The following EMILIN2 variants were observed in gnomAD, a reference collection of about 807,000 sequenced individuals.
The protein encoded by EMILIN2 is EMILIN-2.
EMILIN2 carries 71 observed loss-of-function variants against 87.1 expected under a neutral mutation model. The observed-to-expected ratio is 0.82, with a 90% CI of 0.67 to 0.99. The LOEUF (loss-of-function observed/expected upper bound fraction) is 0.99. EMILIN2 is among the 50% of genes least tolerant of loss of function. The pLI is 0.00. For missense variants in EMILIN2, 1,407 were observed against 1,371.8 expected (o/e 1.03, Z -0.40); for synonymous variants, 581 against 563.4 (o/e 1.03, Z -0.44).
chr18:2,865,720 A>G (rs2076683335), intron 2 of EMILIN2, among the ~76,000 whole-genome samples: 1 of 152,172 alleles, frequency 6.6e-6, no homozygotes, highest in Admixed American at 6.5e-5. Context: ...TGGGAGAACC[A>G]TTACTCTCTT....
In EMILIN2 at chr18:2,880,627, G is replaced by T. The variant is rs545509177; in HGVS notation, c.258-4337G>T. On this transcript the variant is annotated intron_variant, in intron 2 of 7. Coordinates refer to ENST00000254528, the MANE Select transcript of EMILIN2 (RefSeq NM_032048.3). This position sits in a 1 kb window ranked among gnomAD's most constrained non-coding sequence, Gnocchi z 4.1. The stretch of plus-strand genomic sequence containing the variant: ...CCCTCCAGCGCTGCGCAGCCCCGCC[G>T]CCTTAACTTTTCCTCTGGCTGCGGG... Among the ~76,000 whole-genome samples, 82 of 152,312 alleles carry T rather than the reference G, an allele frequency of 5.4e-4. No homozygotes were observed. The highest frequency in any genetic ancestry group is 1.9e-3 in the African/African-American group (80 of 41,574).
intron 2 of EMILIN2, among the ~76,000 whole-genome samples, chr18:2,877,900 G>T (rs1266398862): frequency 6.6e-6 from 1 of 152,182 alleles, no homozygotes; most frequent in Admixed American, 6.5e-5. Flanking sequence ...GACACACTGT[G>T]ACCTGGATGA....
chr18:2,860,933 A>C (rs930320889), intron 2 of EMILIN2, among the ~76,000 whole-genome samples: 17 of 152,200 alleles, frequency 1.1e-4, no homozygotes, highest in African/African-American at 4.1e-4. Flanking sequence ...TGCCGTTCTA[A>C]CTGGTGTGAG....
In EMILIN2 at chr18:2,880,755, G is replaced by A. The variant is rs1445647198; in HGVS notation, c.258-4209G>A. Among the ~76,000 whole-genome samples the A allele has an allele frequency of 6.6e-6, 1 of 152,202 alleles. No individual in the cohort carries two copies. The highest frequency in any genetic ancestry group is 1.5e-5 in the Non-Finnish European group (1 of 68,032). ...GCCCGGGGCCCCTGGGGATGCTTGG[G>A]CCGCCTGTCTCTGTTTCATGTCCCC... is the stretch of plus-strand genomic sequence containing the variant. On this transcript the variant is annotated intron_variant, in intron 2 of 7. Transcript: ENST00000254528. The surrounding 1 kb of genome is among the most constrained non-coding windows in gnomAD (Gnocchi z 4.1).
At position 2,892,395 on chromosome 18, in the gene EMILIN2, T is replaced by C. The variant is rs759186560; in HGVS notation, c.2268T>C (p.Ser756=). ...TCAGGTCGCATTCCAGAGACATTTC[T>C]GGCCTGAAGAATTCAGTCCAGCAGT... The part of the protein sequence containing the change: ...GTLRSHSRDI[S]GLKNSVQQFY... The change falls in exon 4 of 8, where the codon TCT becomes TCC. Residue 756 remains serine, a synonymous_variant. Transcript: ENST00000254528. The C allele has an allele frequency of 2.5e-6, 4 of 1,614,152 alleles. No individual in the cohort carries two copies. The East Asian group carries it at 8.9e-5, about 36-fold the overall frequency.
intron 2 of EMILIN2, among the ~76,000 whole-genome samples, chr18:2,873,850 C>G (rs4797088): frequency 0.055 from 8,397 of 152,222 alleles, 890 homozygotes; most frequent in East Asian, 0.51. Context: ...CCAAATCTTC[C>G]CTGTAGACGG....
At chr18:2,861,290 A>G (rs1179060635) in intron 2 of EMILIN2, among the ~76,000 whole-genome samples, 2 of 152,208 alleles carry the variant, frequency 1.3e-5, no homozygotes, top group Non-Finnish European at 2.9e-5. Flanking sequence ...TTGGTGTTTT[A>G]GACATGAAGT....
chr18:2,869,063 A>G lies in EMILIN2; in HGVS notation c.258-15901A>G, dbSNP rs116482796. 5.1e-3 allele frequency among the ~76,000 whole-genome samples: 783 copies of G among 152,242 alleles called. 6 individuals carry two copies. Among genetic ancestry groups the G allele is most frequent in the African/African-American group, 0.018 (739 of 41,526 alleles). ...CCTGAGTTCTCTATAGGCAGAAACAATTGGTTATGTGTCTGAAGAGTAATC... is the reference window on the plus strand; with the variant it reads ...CCTGAGTTCTCTATAGGCAGAAACAGTTGGTTATGTGTCTGAAGAGTAATC... On this transcript the variant is annotated intron_variant, in intron 2 of 7. Coordinates refer to ENST00000254528, the MANE Select transcript of EMILIN2 (RefSeq NM_032048.3).
chr18:2,886,249 A>G (rs752849534), intron 3 of EMILIN2, among the ~76,000 whole-genome samples: 38 of 152,374 alleles, frequency 2.5e-4, no homozygotes, highest in Admixed American at 1.0e-3. Flanking sequence ...GGCAGACATT[A>G]GAGAGTAATT....
At chr18:2,877,263 G>C (rs2076753391) in intron 2 of EMILIN2, among the ~76,000 whole-genome samples, 1 of 151,562 alleles carries the variant, frequency 6.6e-6, no homozygotes. Flanking sequence ...TCTTCCACTG[G>C]ACAGAACTAC....
At chr18:2,908,918 A>C in intron 5 of EMILIN2, 25 bp from the exon 6 acceptor site, 1 of 1,613,836 alleles carries the variant, frequency 6.2e-7, no homozygotes, top group Non-Finnish European at 8.5e-7. Flanking sequence ...CTTGTTTGAC[A>C]TGCCATTTCC....
In EMILIN2 at chr18:2,874,799, G is replaced by A. The variant is rs549014848; in HGVS notation, c.258-10165G>A. 5.3e-5 allele frequency among the ~76,000 whole-genome samples: 8 copies of A among 152,298 alleles called. No homozygotes were observed. The South Asian group carries it at 6.2e-4, about 12-fold the overall frequency. ...TTTTAAAAACGAGAAGAAATTTTCC[G>A]AAAGGAAGAAACTATGTTTAAATCT... is the stretch of plus-strand genomic sequence containing the variant. On this transcript the variant is annotated intron_variant, in intron 2 of 7. Coordinates refer to ENST00000254528, the MANE Select transcript of EMILIN2 (RefSeq NM_032048.3).
In EMILIN2 at chr18:2,900,831, G is replaced by A. The variant is rs1790982; in HGVS notation, c.2360-5952G>A. Among the ~76,000 whole-genome samples, 1,331 of 152,188 alleles carry A rather than the reference G, an allele frequency of 8.7e-3. 13 individuals carry two copies. Among genetic ancestry groups the A allele is most frequent in the Non-Finnish European group, 0.014 (966 of 68,008 alleles). On this transcript the variant is annotated intron_variant, in intron 4 of 7. Coordinates refer to ENST00000254528, the MANE Select transcript of EMILIN2 (RefSeq NM_032048.3). ...CTGTGAAAGCATCTTCCATCCATCC[G>A]CCTAGCATTCTGTATGTCAGCACTT...
In EMILIN2 at chr18:2,891,966, T is replaced by G; in HGVS notation, c.1839T>G (p.Ser613=). ...KLQQDFSFLY[S]QLNHTENDVT... Reference sequence around the variant, plus strand: ...AACAGGATTTTAGTTTTCTTTATTCTCAATTAAACCACACAGAAAATGATG... The same window carrying G: ...AACAGGATTTTAGTTTTCTTTATTCGCAATTAAACCACACAGAAAATGATG... The change falls in exon 4 of 8, where the codon TCT becomes TCG. Residue 613 remains serine, a synonymous_variant. Transcript: ENST00000254528. This position sits in a 1 kb window ranked among gnomAD's most constrained non-coding sequence, Gnocchi z 4.6. 6.2e-7 allele frequency: 1 copy of G among 1,614,194 alleles called. No homozygotes were observed. The highest frequency in any genetic ancestry group is 8.5e-7 in the Non-Finnish European group (1 of 1,180,036).
At chr18:2,882,864 C>T (rs1291768112) in intron 2 of EMILIN2, among the ~76,000 whole-genome samples, 1 of 142,832 alleles carries the variant, frequency 7.0e-6, no homozygotes, top group African/African-American at 2.6e-5. Context: ...GCCTGGGCAA[C>T]GAGAGTGAAA....
chr18:2,911,754 A>G (rs990007569), intron 7 of EMILIN2, among the ~76,000 whole-genome samples: 3 of 152,200 alleles, frequency 2.0e-5, no homozygotes, highest in Non-Finnish European at 2.9e-5. Context: ...ACTGTGACCT[A>G]TAGTCTCGCA....
At position 2,890,117 on chromosome 18, in the gene EMILIN2, T is replaced by C. The variant is rs2076827116; in HGVS notation, c.434-444T>C. Among the ~76,000 whole-genome samples the C allele has an allele frequency of 6.6e-6, 1 of 152,210 alleles. No individual in the cohort carries two copies. The highest frequency in any genetic ancestry group is 1.5e-5 in the Non-Finnish European group (1 of 68,032). ...TGGATCTTGCTAAAGTGGTTTCTTGTGGTTTTACTGTATGCAGTCAACTCT... is the reference window on the plus strand; with the variant it reads ...TGGATCTTGCTAAAGTGGTTTCTTGCGGTTTTACTGTATGCAGTCAACTCT... On this transcript the variant is annotated intron_variant, in intron 3 of 7. Transcript: ENST00000254528. This position sits in a 1 kb window ranked among gnomAD's most constrained non-coding sequence, Gnocchi z 4.7.
Position 2,891,040 on chromosome 18 carries a change from A to C in EMILIN2, c.913A>C (p.Thr305Pro). 1 of 1,614,214 alleles carries C rather than the reference A, an allele frequency of 6.2e-7. No individual in the cohort carries two copies. Among genetic ancestry groups the C allele is most frequent in the Non-Finnish European group, 8.5e-7 (1 of 1,180,048 alleles). Reference protein sequence around the residue: ...RQLQEAAQGPTVTMTTNELYQ... With the variant: ...RQLQEAAQGPPVTMTTNELYQ... ...GCTCCAGGAAGCAGCTCAGGGCCCG[A>C]CGGTGACCATGACAACCAACGAACT... The change falls in exon 4 of 8, where the codon ACG (threonine) becomes CCG (proline). Residue 305 changes from threonine to proline, a missense_variant. Coordinates refer to ENST00000254528, the MANE Select transcript of EMILIN2 (RefSeq NM_032048.3). This position sits in a 1 kb window ranked among gnomAD's most constrained non-coding sequence, Gnocchi z 4.6.
chr18:2,856,196 G>A (rs977852971), intron 2 of EMILIN2, among the ~76,000 whole-genome samples: 1 of 151,972 alleles, frequency 6.6e-6, no homozygotes, highest in Non-Finnish European at 1.5e-5. Context: ...GCAACATAGT[G>A]AGACCCCCCT....
Sources: gnomAD v4.1 joint callset for allele counts (sites outside exome capture counted in the v4.1 genomes callset) on GRCh38, gnomAD v4.1.1 for gene constraint, Gnocchi (gnomAD v3.1) non-coding constraint, MANE v1.5 for transcripts, NCBI Gene and HGNC (gene_info 2026-07-23, HGNC 2026-07-21) for gene names.